XKR9: variants seen among roughly 807,000 people sequenced by gnomAD.
XKR9 encodes the protein XK-related protein 9.
Under a neutral mutation model 32.0 loss-of-function variants are expected in XKR9, and 32 were observed. The ratio of observed to expected loss-of-function variants is 1.00; its 90% CI spans 0.76 to 1.34. The LOEUF is 1.34. XKR9 is among the 40% of genes most tolerant of loss of function. XKR9 has a pLI of 0.00. For synonymous variants in XKR9, 168 were observed against 143.4 expected, an observed-to-expected ratio of 1.17 and a Z score of -1.22; for missense variants, 546 against 429.7, an observed-to-expected ratio of 1.27 and a Z score of -2.39.
At chr8:71,018,401 A>G in the XKR9 span, among the ~76,000 whole-genome samples, 1 of 152,260 alleles carries the variant, frequency 6.6e-6, no homozygotes, top group Non-Finnish European at 1.5e-5. Context: ...TATCTTCTCT[A>G]CAATTGAATG....
At chr8:70,724,718 C>A (rs1361115745) in intron 4 of XKR9, among the ~76,000 whole-genome samples, 2 of 152,160 alleles carry the variant, frequency 1.3e-5, no homozygotes, top group African/African-American at 4.8e-5. Flanking sequence ...ACTGTCTAAC[C>A]AGTCCCAATG....
chr8:70,748,959 G>A (rs1807096837), intron 2 of XKR9, among the ~76,000 whole-genome samples: 1 of 152,130 alleles, frequency 6.6e-6, no homozygotes, highest in Admixed American at 6.5e-5. Flanking sequence ...GCATAAAGGA[G>A]CTACCCACCA....
intron 3 of XKR9, among the ~76,000 whole-genome samples, chr8:70,702,178 G>T (rs979456801): frequency 2.6e-5 from 4 of 151,956 alleles, no homozygotes; most frequent in Middle Eastern, 3.2e-3. Context: ...ATTTATTAGG[G>T]TTCAATATTT....
chr8:70,745,435 A>G (rs1334886199), intron 2 of XKR9, among the ~76,000 whole-genome samples: 2 of 152,204 alleles, frequency 1.3e-5, no homozygotes, highest in Non-Finnish European at 2.9e-5. Context: ...ATACATTCAC[A>G]TCTTCAAATA....
the XKR9 span, among the ~76,000 whole-genome samples, chr8:70,796,707 A>T: frequency 1.1e-4 from 16 of 152,210 alleles, no homozygotes; most frequent in Non-Finnish European, 2.1e-4. Context: ...TCAATAGAAT[A>T]CCAGCTTCAT....
At chr8:70,970,379 T>C in the XKR9 span, among the ~76,000 whole-genome samples, 2 of 152,002 alleles carry the variant, frequency 1.3e-5, no homozygotes, top group Non-Finnish European at 2.9e-5. Flanking sequence ...GCAGTTTTGT[T>C]ATATAGGTAT....
the XKR9 span, among the ~76,000 whole-genome samples, chr8:70,893,987 G>A: frequency 1.3e-5 from 2 of 151,988 alleles, no homozygotes; most frequent in Admixed American, 1.3e-4. Context: ...GGCACTCCCT[G>A]GCATCTTGGG....
the XKR9 span, among the ~76,000 whole-genome samples, chr8:70,827,265 A>C: frequency 1.3e-5 from 2 of 152,170 alleles, no homozygotes; most frequent in Admixed American, 6.5e-5. Context: ...GTTTATTTTC[A>C]TAGTTATAAA....
At chr8:70,798,594 G>A in the XKR9 span, among the ~76,000 whole-genome samples, 81 of 152,076 alleles carry the variant, frequency 5.3e-4, no homozygotes, top group Non-Finnish European at 3.4e-4. Context: ...TGTTGCAATC[G>A]CTTTTGAGGT....
intron 2 of XKR9, among the ~76,000 whole-genome samples, chr8:70,744,175 G>A (rs1807026024): frequency 6.6e-6 from 1 of 151,938 alleles, no homozygotes; most frequent in Non-Finnish European, 1.5e-5. Context: ...GCTAGGTGTG[G>A]TAGCAGGCGC....
At chr8:70,991,607 A>G in the XKR9 span, among the ~76,000 whole-genome samples, 974 of 152,272 alleles carry the variant, frequency 6.4e-3, 11 homozygotes, top group African/African-American at 0.021. Context: ...GCTCTTTAAC[A>G]TGCCAGCGTC....
intron 3 of XKR9, among the ~76,000 whole-genome samples, chr8:70,697,816 G>C (rs1782033620): frequency 6.6e-6 from 1 of 151,916 alleles, no homozygotes; most frequent in Non-Finnish European, 1.5e-5. Flanking sequence ...TCTGGTCCTG[G>C]ACTCTTTCTG....
chr8:70,910,732 G>A, the XKR9 span, among the ~76,000 whole-genome samples: 1 of 152,178 alleles, frequency 6.6e-6, no homozygotes, highest in Non-Finnish European at 1.5e-5. Context: ...GGCTTAGCTG[G>A]CTTCTCTGCT....
the XKR9 span, among the ~76,000 whole-genome samples, chr8:70,987,735 A>C: frequency 6.6e-6 from 1 of 152,298 alleles, no homozygotes; most frequent in Non-Finnish European, 1.5e-5. Context: ...GCAGTGCCCC[A>C]GTAGGAATTC....
At chr8:70,989,287 A>G in the XKR9 span, among the ~76,000 whole-genome samples, 1 of 152,246 alleles carries the variant, frequency 6.6e-6, no homozygotes, top group East Asian at 1.9e-4. Flanking sequence ...ATGCATAAAC[A>G]TTATCCAAAA....
chr8:70,797,988 A>G, the XKR9 span, among the ~76,000 whole-genome samples: 61,260 of 151,972 alleles, frequency 0.4, 13,879 homozygotes, highest in Non-Finnish European at 0.52. Flanking sequence ...TGTCTTTGCT[A>G]TTGTGAATAG....
At chr8:70,965,439 G>C in the XKR9 span, among the ~76,000 whole-genome samples, 17 of 152,276 alleles carry the variant, frequency 1.1e-4, no homozygotes, top group African/African-American at 4.1e-4. Flanking sequence ...GTCAGGTTTT[G>C]ATATCAGGAT....
chr8:70,890,483 C>G, the XKR9 span, among the ~76,000 whole-genome samples: 6 of 151,814 alleles, frequency 4.0e-5, no homozygotes, highest in Admixed American at 3.9e-4. Context: ...ATACACTCCT[C>G]CTATACCTAA....
At chr8:71,059,959 T>A in the XKR9 span, among the ~76,000 whole-genome samples, 2 of 151,906 alleles carry the variant, frequency 1.3e-5, no homozygotes, top group Non-Finnish European at 2.9e-5. Context: ...GCTCATCCCA[T>A]TTTTTTTGAG....
Sources: allele counts gnomAD v4.1 joint callset (sites outside exome capture counted in the v4.1 genomes callset), GRCh38; gene constraint gnomAD v4.1.1; transcripts MANE v1.5; gene names NCBI Gene and HGNC (gene_info 2026-07-23, HGNC 2026-07-21).